TNRC6A: variants seen among roughly 807,000 people sequenced by gnomAD.
TNRC6A encodes trinucleotide repeat containing adaptor 6A.
Under a neutral mutation model 221.2 loss-of-function variants are expected in TNRC6A, and 44 were observed. The ratio of observed to expected loss-of-function variants is 0.20; its 90% confidence interval spans 0.16 to 0.26. The LOEUF (loss-of-function observed/expected upper bound fraction) is 0.26. TNRC6A is among the 10% of genes least tolerant of loss of function. The pLI is 1.00. For synonymous variants in TNRC6A, 847 were observed against 838.5 expected, an observed-to-expected ratio of 1.01 and a Z score of -0.18; for missense variants, 2,199 against 2,404.4, an observed-to-expected ratio of 0.91 and a Z score of 1.79.
At chr16:24,813,804 G>A (rs1342282153) in intron 18 of TNRC6A, among the ~76,000 whole-genome samples, 6 of 152,180 alleles carry the variant, frequency 3.9e-5, no homozygotes, top group African/African-American at 1.4e-4. Context: ...CACCCTTGCT[G>A]CCTCGTTATA....
At chr16:24,613,115 C>CAAA (rs553122873) in intron 1 of TNRC6A, among the ~76,000 whole-genome samples, 10 of 55,676 alleles carry the variant, frequency 1.8e-4, no homozygotes, top group African/African-American at 3.0e-4. Context: ...GACTCTGTCT[C>CAAA]AAAAAAAAAA....
intron 1 of TNRC6A, among the ~76,000 whole-genome samples, chr16:24,630,699 C>A (rs1191364657): frequency 6.6e-6 from 1 of 152,144 alleles, no homozygotes; most frequent in Non-Finnish European, 1.5e-5. Flanking sequence ...TGTAGGGAGC[C>A]CCACACTGGT....
intron 2 of TNRC6A, among the ~76,000 whole-genome samples, chr16:24,647,336 G>A (rs924524451): frequency 8.6e-5 from 13 of 151,818 alleles, no homozygotes; most frequent in South Asian, 6.2e-4. Flanking sequence ...ATGTGTATAC[G>A]CGCATGCATG....
chr16:24,790,612 A>G lies in TNRC6A; in HGVS notation c.1970A>G (p.Asn657Ser). The change falls in exon 6 of 25, where the codon AAT (asparagine) becomes AGT (serine). Residue 657 changes from asparagine to serine, a missense_variant. Coordinates refer to ENST00000395799, the MANE Select transcript of TNRC6A (RefSeq NM_014494.4). The stretch of plus-strand genomic sequence containing the variant: ...CAGGGTTCTGCCACATCTCAGACAA[A>G]TGAGCAAAGCAGTGTGTGGGCCAAA... The part of the protein sequence containing the change: ...EDQGSATSQT[N>S]EQSSVWAKTG... The G allele has an allele frequency of 1.2e-6, 2 of 1,614,242 alleles. No homozygotes were observed. Among genetic ancestry groups the G allele is most frequent in the Admixed American group, 1.7e-5 (1 of 60,024 alleles).
intron 4 of TNRC6A, among the ~76,000 whole-genome samples, chr16:24,763,518 C>T (rs1311194517): frequency 6.6e-6 from 1 of 152,178 alleles, no homozygotes; most frequent in Non-Finnish European, 1.5e-5. Flanking sequence ...TCAGTCATCA[C>T]TGCCAGTATC....
chr16:24,752,164 G>C (rs1421548509), intron 3 of TNRC6A, among the ~76,000 whole-genome samples: 1 of 152,074 alleles, frequency 6.6e-6, no homozygotes, highest in African/African-American at 2.4e-5. Context: ...TGGTTTAGAG[G>C]GGGTAGATAC....
chr16:24,785,687 T>G (rs2057951489), intron 5 of TNRC6A, among the ~76,000 whole-genome samples: 1 of 152,268 alleles, frequency 6.6e-6, no homozygotes, highest in Non-Finnish European at 1.5e-5. Context: ...ATGGGAATGC[T>G]TCTGGTGTTT....
At chr16:24,709,480 T>A (rs1255209908) in intron 2 of TNRC6A, among the ~76,000 whole-genome samples, 8 of 152,140 alleles carry the variant, frequency 5.3e-5, no homozygotes, top group Non-Finnish European at 1.2e-4. Flanking sequence ...GATCACATTT[T>A]AAAATGTTCA....
chr16:24,746,755 C>T (rs2057019293), intron 2 of TNRC6A, among the ~76,000 whole-genome samples: 2 of 152,136 alleles, frequency 1.3e-5, no homozygotes. Flanking sequence ...GAGTACCCTT[C>T]AGAAGGGATT....
chr16:24,713,445 C>CAA (rs1173938015), intron 2 of TNRC6A, among the ~76,000 whole-genome samples: 2 of 79,988 alleles, frequency 2.5e-5, no homozygotes, highest in African/African-American at 4.4e-5. Flanking sequence ...AACAAACAAA[C>CAA]AAACAAAAAA....
intron 2 of TNRC6A, among the ~76,000 whole-genome samples, chr16:24,687,955 T>TTTTCTTTTC (rs1455280710): frequency 1.1e-5 from 1 of 88,662 alleles, no homozygotes; most frequent in Non-Finnish European, 2.6e-5. Flanking sequence ...TTTTCTTTTC[T>TTTTCTTTTC]TTTTTTTTTT....
At chr16:24,699,694 A>G (rs1192560171) in intron 2 of TNRC6A, among the ~76,000 whole-genome samples, 1 of 150,462 alleles carries the variant, frequency 6.6e-6, no homozygotes, top group Admixed American at 6.7e-5. Flanking sequence ...ACTCCGGCCC[A>G]GGCAACAGAA....
At chr16:24,780,095 A>G (rs2057808447) in intron 5 of TNRC6A, among the ~76,000 whole-genome samples, 2 of 152,214 alleles carry the variant, frequency 1.3e-5, no homozygotes, top group African/African-American at 2.4e-5. Flanking sequence ...GACTAGGCTC[A>G]ACAGGAGCAA....
rs575059192 is a variant in TNRC6A, at chr16:24,818,838, A to G, written c.5080+138A>G. The G allele has an allele frequency of 3.1e-4, 220 of 702,798 alleles. 1 individual carries two copies. Among genetic ancestry groups the G allele is most frequent in the South Asian group, 2.6e-3 (156 of 59,312 alleles). 43.5% of individuals were successfully genotyped at this position (702,798 alleles called of 1,614,324 possible). A position where few individuals can be genotyped will look rare whatever the true frequency, so the allele number is the denominator to read the frequency against. ...TTGTGAGCCTGGGAAATTATTTTTAACATCCCTTACTCCTTTTTAAACTTA... is the reference window on the plus strand; with the variant it reads ...TTGTGAGCCTGGGAAATTATTTTTAGCATCCCTTACTCCTTTTTAAACTTA... On this transcript the variant is annotated intron_variant, in intron 21 of 24. Transcript: ENST00000395799.
intron 1 of TNRC6A, among the ~76,000 whole-genome samples, chr16:24,625,120 C>G (rs1900888483): frequency 6.6e-6 from 1 of 152,126 alleles, no homozygotes; most frequent in Admixed American, 6.6e-5. Flanking sequence ...AGTAGTGTGT[C>G]AACACATTAT....
At chr16:24,708,621 A>G (rs1441224432) in intron 2 of TNRC6A, among the ~76,000 whole-genome samples, 1 of 151,750 alleles carries the variant, frequency 6.6e-6, no homozygotes, top group Non-Finnish European at 1.5e-5. Flanking sequence ...ACTGTCTCCA[A>G]TATGTAGTCT....
intron 1 of TNRC6A, among the ~76,000 whole-genome samples, chr16:24,613,609 C>T (rs1596533785): frequency 2.0e-5 from 3 of 151,690 alleles, no homozygotes; most frequent in Non-Finnish European, 2.9e-5. Context: ...GTCACTGCAA[C>T]CTCCGCCTCC....
chr16:24,771,850 T>A (rs1025549892), intron 4 of TNRC6A, among the ~76,000 whole-genome samples: 2 of 152,208 alleles, frequency 1.3e-5, no homozygotes, highest in African/African-American at 4.8e-5. Context: ...TTTGGTAAAT[T>A]ATATTTGATA....
chr16:24,785,152 G>A (rs2057939344), intron 5 of TNRC6A, among the ~76,000 whole-genome samples: 1 of 152,122 alleles, frequency 6.6e-6, no homozygotes, highest in African/African-American at 2.4e-5. Context: ...TTCAGTCAAA[G>A]TGCTCTCTGG....
Sources: gnomAD v4.1 joint callset for allele counts (sites outside exome capture counted in the v4.1 genomes callset) on GRCh38, gnomAD v4.1.1 for gene constraint, MANE v1.5 for transcripts, NCBI Gene and HGNC (gene_info 2026-07-23, HGNC 2026-07-21) for gene names.